The following EML4 variants were observed in gnomAD, a reference collection of about 807,000 sequenced individuals.
The protein encoded by EML4 is EMAP like 4.
Under a neutral mutation model 129.0 loss-of-function variants are expected in EML4, and 72 were observed. That is an observed-to-expected ratio of 0.56 (90% CI 0.46 to 0.68). The LOEUF is 0.68. Among genes scored for constraint, EML4 ranks in the 30% least tolerant of loss-of-function variants. The probability of loss-of-function intolerance (pLI) is 0.00; values close to 1 mark genes in which losing one functional copy is unlikely to be tolerated. For synonymous variants in EML4, 532 were observed against 405.0 expected (o/e 1.31, Z -3.77); for missense variants, 1,363 against 1,190.6 (o/e 1.14, Z -2.13).
At chr2:42,210,623 C>A (rs112834010) in intron 1 of EML4, among the ~76,000 whole-genome samples, 17 of 152,294 alleles carry the variant, frequency 1.1e-4, no homozygotes, top group African/African-American at 3.6e-4. Context: ...TAGAATTCTT[C>A]TGTTCCCTTA....
chr2:42,276,934 A>G (rs912461328), intron 6 of EML4, among the ~76,000 whole-genome samples: 3 of 152,250 alleles, frequency 2.0e-5, no homozygotes, highest in South Asian at 2.1e-4. Flanking sequence ...TTTATATCAT[A>G]TCAGAAAAGT....
At chr2:42,219,995 G>C (rs1425533207) in intron 1 of EML4, among the ~76,000 whole-genome samples, 2 of 151,974 alleles carry the variant, frequency 1.3e-5, no homozygotes, top group Non-Finnish European at 2.9e-5. Context: ...TATAGGAAGG[G>C]CTTAAGGGGT....
chr2:42,282,767 C>T (rs1323466519), intron 7 of EML4, 56 bp from the exon 8 acceptor site: 46 of 1,478,890 alleles, frequency 3.1e-5, no homozygotes, highest in Non-Finnish European at 4.1e-5. Context: ...CATGAAAAAT[C>T]TGTTAACAAC....
Position 42,330,264 on chromosome 2 carries a change from T to C in EML4, c.*57T>C. On this transcript the variant is annotated 3_prime_UTR_variant, in exon 23 of 23. Transcript: ENST00000318522. ...AGCTGCATGTGATTTTGTGATAAAG[T>C]TCAGGTAACAGGATGGGCAGTGATG... 6.6e-7 allele frequency: 1 copy of C among 1,514,794 alleles called. No individual in the cohort carries two copies. The highest frequency in any genetic ancestry group is 9.1e-7 in the Non-Finnish European group (1 of 1,094,920). 93.8% of individuals were successfully genotyped at this position (1,514,794 alleles called of 1,614,324 possible). A position where few individuals can be genotyped will look rare whatever the true frequency, so the allele number is the denominator to read the frequency against.
chr2:42,198,908 G>A (rs1314359138), intron 1 of EML4, among the ~76,000 whole-genome samples: 1 of 152,172 alleles, frequency 6.6e-6, no homozygotes, highest in Non-Finnish European at 1.5e-5. Flanking sequence ...CAGTCAAAAT[G>A]TTCTGGTATT....
At chr2:42,313,361 G>GCT in intron 17 of EML4, among the ~76,000 whole-genome samples, 1 of 152,246 alleles carries the variant, frequency 6.6e-6, no homozygotes, top group African/African-American at 2.4e-5. Flanking sequence ...TTCTCTGAGA[G>GCT]CTCTCTCACC....
intron 2 of EML4, among the ~76,000 whole-genome samples, chr2:42,252,605 G>T (rs755642417): frequency 6.6e-6 from 1 of 152,194 alleles, no homozygotes; most frequent in South Asian, 2.1e-4. Context: ...CCCCTCTTTT[G>T]TTCTACGTGC....
chr2:42,288,102 G>C (rs1436375649), intron 10 of EML4, 125 bp from the exon 11 acceptor site: 12 of 447,638 alleles, frequency 2.7e-5, no homozygotes, highest in Non-Finnish European at 4.5e-5. Context: ...ATGTTTCAGA[G>C]AGCGATGAGT....
At chr2:42,288,760 A>G (rs1326965093) in intron 11 of EML4, 1 of 152,848 alleles carries the variant, frequency 6.5e-6, no homozygotes, top group Non-Finnish European at 1.5e-5. Flanking sequence ...TTGTAGGATT[A>G]TTTTAGAAAA....
At chr2:42,228,862 T>C (rs561613533) in intron 1 of EML4, among the ~76,000 whole-genome samples, 1 of 152,354 alleles carries the variant, frequency 6.6e-6, no homozygotes, top group South Asian at 2.1e-4. Flanking sequence ...TATGTATTAA[T>C]AATTAGAAGG....
At chr2:42,175,830 A>G (rs1216003323) in intron 1 of EML4, among the ~76,000 whole-genome samples, 2 of 152,212 alleles carry the variant, frequency 1.3e-5, no homozygotes, top group Non-Finnish European at 1.5e-5. Context: ...CACCATAGAA[A>G]GGAAAGAAGA....
chr2:42,317,259 A>G (rs1669292008), intron 18 of EML4, among the ~76,000 whole-genome samples, 168 bp from the exon 19 acceptor site: 1 of 152,236 alleles, frequency 6.6e-6, no homozygotes, highest in African/African-American at 2.4e-5. Flanking sequence ...TGTGTATTAG[A>G]CTGGATGACC....
In EML4 at chr2:42,288,337, A is replaced by C. The variant is rs1318072138; in HGVS notation, c.1218+15A>C. 3.0e-6 allele frequency: 4 copies of C among 1,317,912 alleles called. No homozygotes were observed. Among genetic ancestry groups the C allele is most frequent in the Non-Finnish European group, 4.3e-6 (4 of 921,994 alleles). 81.6% of individuals were successfully genotyped at this position (1,317,912 alleles called of 1,614,324 possible). A position where few individuals can be genotyped will look rare whatever the true frequency, so the allele number is the denominator to read the frequency against. On this transcript the variant is annotated intron_variant, in intron 11 of 22. Coordinates refer to ENST00000318522, the MANE Select transcript of EML4 (RefSeq NM_019063.5). ...CAGAAATAAAGGTAAATTTTTAAAA[A>C]ACCGAGTATTGTGTTTTAGAGTACG...
intron 1 of EML4, among the ~76,000 whole-genome samples, chr2:42,214,296 A>C (rs1673050530): frequency 6.6e-6 from 1 of 152,244 alleles, no homozygotes; most frequent in African/African-American, 2.4e-5. Flanking sequence ...ATGGTTTTAA[A>C]AAATGGACTG....
At chr2:42,267,987 C>G (rs1453636285) in intron 6 of EML4, among the ~76,000 whole-genome samples, 1 of 152,132 alleles carries the variant, frequency 6.6e-6, no homozygotes, top group East Asian at 1.9e-4. Flanking sequence ...ATTTTCCAAG[C>G]TAAGTTGGGG....
intron 11 of EML4, among the ~76,000 whole-genome samples, chr2:42,290,597 T>C (rs970655766): frequency 1.3e-5 from 2 of 148,378 alleles, no homozygotes; most frequent in African/African-American, 4.9e-5. Flanking sequence ...CAGGGTATGG[T>C]GGTGCACATT....
At chr2:42,232,979 C>T (rs766705012) in intron 1 of EML4, among the ~76,000 whole-genome samples, 1 of 152,192 alleles carries the variant, frequency 6.6e-6, no homozygotes. Context: ...GCCTCACCCG[C>T]CCAAAGTGCT....
At chr2:42,264,969 A>T (rs1319820080) in intron 6 of EML4, 4 of 1,547,708 alleles carry the variant, frequency 2.6e-6, no homozygotes, top group African/African-American at 2.7e-5. Context: ...TAAGCTACGC[A>T]GTTGGTTGCC....
intron 22 of EML4, 49 bp downstream of exon 22, chr2:42,329,065 G>A (rs200109337): frequency 9.6e-6 from 15 of 1,563,764 alleles, no homozygotes; most frequent in African/African-American, 1.4e-5. Flanking sequence ...TCTGTCCAGG[G>A]ATGATTTTGC....
Sources: gnomAD v4.1 joint callset for allele counts (sites outside exome capture counted in the v4.1 genomes callset) on GRCh38, gnomAD v4.1.1 for gene constraint, MANE v1.5 for transcripts, NCBI Gene and HGNC (gene_info 2026-07-23, HGNC 2026-07-21) for gene names.